Variants in RNF217 observed in about 807,000 individuals in gnomAD.
The protein encoded by RNF217 is E3 ubiquitin-protein ligase RNF217.
RNF217 carries 31 observed loss-of-function variants against 57.8 expected under a neutral mutation model. The ratio of observed to expected loss-of-function variants is 0.54; its 90% CI spans 0.40 to 0.72. The LOEUF is 0.72. Among genes scored for constraint, RNF217 ranks in the 30% least tolerant of loss-of-function variants. RNF217 has a pLI of 0.00. For missense variants in RNF217, 696 were observed against 708.3 expected (o/e 0.98, Z 0.20); for synonymous variants, 313 against 294.0 (o/e 1.06, Z -0.66).
At chr6:125,046,669 TC>T (rs1451677498) in intron 2 of RNF217, 1 of 455,868 alleles carries the variant, frequency 2.2e-6, no homozygotes, top group East Asian at 7.0e-5. Flanking sequence ...AAGGTAAGTT[TC>T]TGGTCATGTT....
intron 1 of RNF217, among the ~76,000 whole-genome samples, chr6:125,018,035 C>T (rs560685978): frequency 2.0e-5 from 3 of 152,286 alleles, no homozygotes; most frequent in African/African-American, 7.2e-5. Context: ...AGTGTAACAA[C>T]TATCCATTTC....
chr6:125,040,723 T>G (rs1296237122), intron 1 of RNF217, among the ~76,000 whole-genome samples: 1 of 151,960 alleles, frequency 6.6e-6, no homozygotes, highest in Non-Finnish European at 1.5e-5. Context: ...CAGCAGCACA[T>G]CAAAAAGCTT....
intron 1 of RNF217, among the ~76,000 whole-genome samples, chr6:124,997,753 C>T (rs1416935773): frequency 6.6e-6 from 1 of 152,142 alleles, no homozygotes; most frequent in Non-Finnish European, 1.5e-5. Flanking sequence ...GAACACTTTC[C>T]CTTGCTTGTT....
chr6:125,055,382 G>C (rs1787484243), intron 2 of RNF217, among the ~76,000 whole-genome samples: 1 of 152,134 alleles, frequency 6.6e-6, no homozygotes, highest in South Asian at 2.1e-4. Context: ...CAGAGTCCCT[G>C]GTTTGGACAC....
chr6:125,001,014 C>T (rs985510746), intron 1 of RNF217, among the ~76,000 whole-genome samples: 1 of 152,112 alleles, frequency 6.6e-6, no homozygotes, highest in African/African-American at 2.4e-5. Flanking sequence ...AATATAGAGT[C>T]TGAAATATCC....
chr6:124,983,197 G>A (rs768817643), intron 1 of RNF217, among the ~76,000 whole-genome samples: 1 of 152,086 alleles, frequency 6.6e-6, no homozygotes, highest in Non-Finnish European at 1.5e-5. Flanking sequence ...TATCTTATGA[G>A]TGGGCCCATA....
At chr6:124,994,698 G>A (rs1318026857) in intron 1 of RNF217, among the ~76,000 whole-genome samples, 1 of 152,182 alleles carries the variant, frequency 6.6e-6, no homozygotes, top group African/African-American at 2.4e-5. Flanking sequence ...AGCTGCCCAA[G>A]TGTTTTCTTT....
chr6:124,963,262 T>A lies in RNF217; in HGVS notation c.718T>A (p.Leu240Met). 2 of 1,536,090 alleles carry A rather than the reference T, an allele frequency of 1.3e-6. No individual in the cohort carries two copies. The highest frequency in any genetic ancestry group is 1.7e-6 in the Non-Finnish European group (2 of 1,146,908). ...CGAGCCGTTCTCCATGCCCAGCCTG[T>A]TGGGAGCTCCACCCTACTCTGGCCT... ...APEPFSMPSL[L>M]GAPPYSGLGG... The change falls in exon 1 of 6, where the codon TTG becomes ATG. Residue 240 changes from leucine to methionine, a missense_variant. Coordinates refer to ENST00000521654, the MANE Select transcript of RNF217 (RefSeq NM_001286398.3).
chr6:125,039,460 G>C (rs1786787083), intron 1 of RNF217, among the ~76,000 whole-genome samples: 1 of 152,092 alleles, frequency 6.6e-6, no homozygotes, highest in Non-Finnish European at 1.5e-5. Context: ...CGAGTTCTTA[G>C]AGACCTACAA....
At chr6:125,077,322 G>A (rs747673264) in intron 4 of RNF217, among the ~76,000 whole-genome samples, 10 of 152,128 alleles carry the variant, frequency 6.6e-5, no homozygotes, top group African/African-American at 9.7e-5. Flanking sequence ...GTTCCATTAT[G>A]TCTATATAAG....
intron 1 of RNF217, among the ~76,000 whole-genome samples, chr6:124,970,198 T>C (rs1783711871): frequency 6.6e-6 from 1 of 152,168 alleles, no homozygotes; most frequent in East Asian, 1.9e-4. Context: ...GATATGCCTT[T>C]CCCTTTAAAA....
intron 1 of RNF217, among the ~76,000 whole-genome samples, chr6:124,980,161 CAT>C (rs1784109882): frequency 6.6e-6 from 1 of 152,094 alleles, no homozygotes; most frequent in Non-Finnish European, 1.5e-5. Flanking sequence ...GTTTCAGAGA[CAT>C]GTAAAAAGTC....
At chr6:124,977,409 C>T (rs1784007345) in intron 1 of RNF217, among the ~76,000 whole-genome samples, 1 of 151,774 alleles carries the variant, frequency 6.6e-6, no homozygotes, top group Non-Finnish European at 1.5e-5. Context: ...ACCTTTGAAG[C>T]TTAGGATCAC....
chr6:124,985,568 C>T (rs1423977898), intron 1 of RNF217, among the ~76,000 whole-genome samples: 1 of 152,012 alleles, frequency 6.6e-6, no homozygotes, highest in Admixed American at 6.6e-5. Context: ...TAAATCTCTA[C>T]ATATTAACAT....
At chr6:125,018,054 G>T (rs529361256) in intron 1 of RNF217, among the ~76,000 whole-genome samples, 1 of 152,234 alleles carries the variant, frequency 6.6e-6, no homozygotes, top group African/African-American at 2.4e-5. Flanking sequence ...TCTAACACTA[G>T]CTATTCAATA....
chr6:125,045,470 GT>G, intron 2 of RNF217, 26 bp downstream of exon 2: 1 of 1,568,380 alleles, frequency 6.4e-7, no homozygotes, highest in South Asian at 1.1e-5. Flanking sequence ...AGAGCTGTGG[GT>G]TAGATGTCAC....
intron 1 of RNF217, among the ~76,000 whole-genome samples, chr6:124,991,434 C>T (rs959913085): frequency 6.6e-6 from 1 of 152,198 alleles, no homozygotes; most frequent in Non-Finnish European, 1.5e-5. Context: ...TACCAACCCT[C>T]ATCCCCCCCA....
At chr6:124,998,910 C>T (rs1784859690) in intron 1 of RNF217, among the ~76,000 whole-genome samples, 1 of 152,206 alleles carries the variant, frequency 6.6e-6, no homozygotes, top group Admixed American at 6.5e-5. Context: ...CAGAACAATG[C>T]CTTACATGTA....
intron 4 of RNF217, among the ~76,000 whole-genome samples, chr6:125,078,602 A>G (rs1788462626): frequency 6.6e-6 from 1 of 152,052 alleles, no homozygotes; most frequent in South Asian, 2.1e-4. Context: ...TTGATAACTA[A>G]CACGCTCCTA....
Sources: allele counts gnomAD v4.1 joint callset (sites outside exome capture counted in the v4.1 genomes callset), GRCh38; gene constraint gnomAD v4.1.1; transcripts MANE v1.5; gene names NCBI Gene and HGNC (gene_info 2026-07-23, HGNC 2026-07-21).